RANBP2: variants seen among roughly 807,000 people sequenced by gnomAD.
RANBP2 encodes E3 SUMO-protein ligase RanBP2.
RANBP2 carries 57 observed loss-of-function variants against 303.6 expected under a neutral mutation model. The ratio of observed to expected loss-of-function variants is 0.19; its 90% CI spans 0.15 to 0.23. The LOEUF (loss-of-function observed/expected upper bound fraction) is 0.23, where lower values mean the gene tolerates loss of function less well. Ranked by LOEUF, RANBP2 falls within the 10% of genes least tolerant of loss-of-function variation. The pLI is 1.00. For synonymous variants in RANBP2, 1,167 were observed against 1,301.5 expected (o/e 0.90, Z 2.23); for missense variants, 3,138 against 3,780.8 (o/e 0.83, Z 4.46).
chr2:109,331,134 C>T, the RANBP2 span, among the ~76,000 whole-genome samples: 2 of 152,148 alleles, frequency 1.3e-5, no homozygotes, highest in South Asian at 2.1e-4. Context: ...AACTCAAAAG[C>T]GGTTTCATTC....
the RANBP2 span, among the ~76,000 whole-genome samples, chr2:108,814,958 T>A: frequency 4.6e-5 from 7 of 152,066 alleles, no homozygotes; most frequent in Non-Finnish European, 7.4e-5. Context: ...AAAAAATAAA[T>A]TTAACATAGT....
At chr2:109,072,411 C>T in the RANBP2 span, among the ~76,000 whole-genome samples, 1,360 of 152,294 alleles carry the variant, frequency 8.9e-3, 13 homozygotes, top group Non-Finnish European at 0.014. Context: ...ACCATGGAGT[C>T]CTGGATACTT....
chr2:109,382,068 T>G, the RANBP2 span, among the ~76,000 whole-genome samples: 1 of 152,068 alleles, frequency 6.6e-6, no homozygotes. Flanking sequence ...CAGTTGCTTA[T>G]GAGAAAGGGG....
At chr2:109,404,071 C>G in the RANBP2 span, among the ~76,000 whole-genome samples, 242 of 152,272 alleles carry the variant, frequency 1.6e-3, no homozygotes, top group African/African-American at 5.7e-3. Context: ...TCCAGGAGCC[C>G]ATCTCTGGCT....
At chr2:109,283,844 G>A in the RANBP2 span, among the ~76,000 whole-genome samples, 3 of 152,218 alleles carry the variant, frequency 2.0e-5, no homozygotes, top group Non-Finnish European at 4.4e-5. Flanking sequence ...TCTTGCTGCT[G>A]AGCCACTGGG....
the RANBP2 span, among the ~76,000 whole-genome samples, chr2:109,450,010 G>GT: frequency 2.0e-5 from 3 of 152,240 alleles, no homozygotes; most frequent in Admixed American, 2.0e-4. Context: ...TGGCTGGTGT[G>GT]TTTTTTAGCT....
chr2:108,846,841 A>C, the RANBP2 span: 9 of 1,613,760 alleles, frequency 5.6e-6, no homozygotes, highest in Non-Finnish European at 7.6e-6. Context: ...TCTGTGGAGA[A>C]TAAACCAAAG....
the RANBP2 span, among the ~76,000 whole-genome samples, chr2:109,681,430 A>G: frequency 6.6e-6 from 1 of 152,248 alleles, no homozygotes; most frequent in Non-Finnish European, 1.5e-5. Context: ...TCACATTAAA[A>G]AAGAAAGGCA....
chr2:109,213,544 C>T, the RANBP2 span, among the ~76,000 whole-genome samples: 1 of 152,196 alleles, frequency 6.6e-6, no homozygotes, highest in Non-Finnish European at 1.5e-5. Flanking sequence ...TATCACCTAA[C>T]AGGGGGCTGG....
chr2:109,650,906 C>T, the RANBP2 span, among the ~76,000 whole-genome samples: 200 of 152,188 alleles, frequency 1.3e-3, 1 homozygote, highest in African/African-American at 4.3e-3. Context: ...CGGACTAATA[C>T]GACAACCTAG....
the RANBP2 span, among the ~76,000 whole-genome samples, chr2:109,412,308 T>G: frequency 6.6e-6 from 1 of 152,198 alleles, no homozygotes; most frequent in African/African-American, 2.4e-5. Flanking sequence ...TCCAGGACAT[T>G]GGGAGGTGGA....
At chr2:109,283,910 A>G in the RANBP2 span, among the ~76,000 whole-genome samples, 1 of 151,528 alleles carries the variant, frequency 6.6e-6, no homozygotes, top group South Asian at 2.1e-4. Flanking sequence ...TTATCAAATG[A>G]CCCCCAGATT....
the RANBP2 span, among the ~76,000 whole-genome samples, chr2:109,032,574 C>T: frequency 6.6e-6 from 1 of 151,980 alleles, no homozygotes; most frequent in Non-Finnish European, 1.5e-5. Flanking sequence ...CATGCGCTTT[C>T]TCCCCTCCCC....
the RANBP2 span, among the ~76,000 whole-genome samples, chr2:109,703,001 C>T: frequency 6.6e-6 from 1 of 152,110 alleles, no homozygotes; most frequent in East Asian, 1.9e-4. Flanking sequence ...AAATAGCAAA[C>T]AAGGACCATC....
the RANBP2 span, among the ~76,000 whole-genome samples, chr2:109,572,611 T>A: frequency 8.6e-6 from 1 of 116,692 alleles, no homozygotes; most frequent in East Asian, 2.1e-4. Context: ...TAAAACAACT[T>A]TTTTTTTTTT....
At chr2:108,752,203 C>T (rs1414445507) in intron 12 of RANBP2, among the ~76,000 whole-genome samples, 1 of 151,700 alleles carries the variant, frequency 6.6e-6, no homozygotes. Context: ...TACATATTAG[C>T]TGAGCTGTTA....
At chr2:109,347,963 CG>C in the RANBP2 span, 1 of 1,585,404 alleles carries the variant, frequency 6.3e-7, no homozygotes, top group Middle Eastern at 1.7e-4. Context: ...AGGTGAGCCC[CG>C]GGGTGGGCCC....
chr2:108,979,847 G>A, the RANBP2 span, among the ~76,000 whole-genome samples: 2 of 152,144 alleles, frequency 1.3e-5, no homozygotes, highest in African/African-American at 4.8e-5. Flanking sequence ...GGCCCTGACA[G>A]CCAGCCTGGC....
chr2:109,085,994 T>C, the RANBP2 span, among the ~76,000 whole-genome samples: 1 of 152,280 alleles, frequency 6.6e-6, no homozygotes, highest in African/African-American at 2.4e-5. Flanking sequence ...TCTTAACTGT[T>C]CTAGGGAGTT....
Sources: allele counts gnomAD v4.1 joint callset (sites outside exome capture counted in the v4.1 genomes callset), GRCh38; gene constraint gnomAD v4.1.1; transcripts MANE v1.5; gene names NCBI Gene and HGNC (gene_info 2026-07-23, HGNC 2026-07-21).